NPAS2: variants seen among roughly 807,000 people sequenced by gnomAD.
The protein encoded by NPAS2 is neuronal PAS domain-containing protein 2.
Under a neutral mutation model 107.5 loss-of-function variants are expected in NPAS2, and 23 were observed. The observed-to-expected ratio is 0.21, with a 90% CI of 0.15 to 0.30. The LOEUF (loss-of-function observed/expected upper bound fraction) is 0.30, where lower values mean the gene tolerates loss of function less well. Ranked by LOEUF, NPAS2 falls within the 10% of genes least tolerant of loss-of-function variation. The pLI, the probability that NPAS2 is intolerant of heterozygous loss-of-function variation, is 1.00. For missense variants in NPAS2, 756 were observed against 1,043.3 expected, an observed-to-expected ratio of 0.72 and a Z score of 3.79; for synonymous variants, 403 against 417.5, an observed-to-expected ratio of 0.97 and a Z score of 0.42.
At chr2:100,836,263 C>T (rs531520944) in intron 1 of NPAS2, among the ~76,000 whole-genome samples, 32 of 152,138 alleles carry the variant, frequency 2.1e-4, no homozygotes, top group South Asian at 4.1e-4. Context: ...CCCTAGCGAC[C>T]TCACTTCGAT....
chr2:100,875,106 A>G (rs2104596632), intron 1 of NPAS2, among the ~76,000 whole-genome samples: 1 of 152,340 alleles, frequency 6.6e-6, no homozygotes, highest in Non-Finnish European at 1.5e-5. Flanking sequence ...CAGCCTTGAA[A>G]AGGAAGGAAA....
chr2:100,847,560 C>T (rs888704441), intron 1 of NPAS2, among the ~76,000 whole-genome samples: 6 of 152,076 alleles, frequency 3.9e-5, no homozygotes, highest in Non-Finnish European at 5.9e-5. Flanking sequence ...TTAGTAGAGA[C>T]GGGGTTTCAC....
rs937420061 is a variant in NPAS2 at position 100,915,968 on chromosome 2, G to C, written c.33-9178G>C. On this transcript the variant is annotated intron_variant, in intron 2 of 20. Transcript: ENST00000335681. ...AGCATAAAAGAGGGGAGAAGGTAGA[G>C]GGGGCTATATAGAGAAAAGTTTCTA... 3.9e-5 allele frequency among the ~76,000 whole-genome samples: 6 copies of C among 152,236 alleles called. 1 individual carries two copies. The highest frequency in any genetic ancestry group is 1.4e-4 in the African/African-American group (6 of 41,554).
intron 16 of NPAS2, chr2:100,987,602 CA>C (rs1677851502): frequency 6.4e-6 from 1 of 156,384 alleles, no homozygotes; most frequent in South Asian, 2.0e-4. Context: ...GATTCAAGGG[CA>C]AACACAGAGC....
chr2:100,843,161 G>A (rs1175490863), intron 1 of NPAS2, among the ~76,000 whole-genome samples: 4 of 151,748 alleles, frequency 2.6e-5, no homozygotes, highest in Non-Finnish European at 4.4e-5. Flanking sequence ...GGAGGTTGCA[G>A]TGAGCTGAGA....
chr2:100,947,924 G>T (rs577305900), intron 5 of NPAS2, among the ~76,000 whole-genome samples: 5 of 152,202 alleles, frequency 3.3e-5, no homozygotes, highest in East Asian at 1.9e-4. Flanking sequence ...CAGCCAAAAC[G>T]CAGGAGTGTC....
intron 1 of NPAS2, among the ~76,000 whole-genome samples, chr2:100,835,910 A>G (rs895093058): frequency 5.9e-5 from 9 of 152,210 alleles, no homozygotes; most frequent in African/African-American, 2.2e-4. Flanking sequence ...TCAATGTAAT[A>G]TAAAGGAAAT....
chr2:100,831,701 A>G (rs1185835850), intron 1 of NPAS2, among the ~76,000 whole-genome samples: 1 of 152,108 alleles, frequency 6.6e-6, no homozygotes, highest in Non-Finnish European at 1.5e-5. Context: ...ACCAATTTGC[A>G]TGGCAATTTT....
intron 5 of NPAS2, among the ~76,000 whole-genome samples, chr2:100,947,682 A>G (rs950343938): frequency 6.6e-6 from 1 of 152,228 alleles, no homozygotes; most frequent in African/African-American, 2.4e-5. Context: ...ATCATCACAG[A>G]CAGTTCTATT....
At chr2:100,871,947 A>G (rs1050010204) in intron 1 of NPAS2, among the ~76,000 whole-genome samples, 6 of 152,184 alleles carry the variant, frequency 3.9e-5, no homozygotes, top group African/African-American at 1.4e-4. Flanking sequence ...GAAGGCAGAT[A>G]TCTTGACTCC....
chr2:100,908,903 G>A (rs949903489), intron 2 of NPAS2, among the ~76,000 whole-genome samples: 2 of 152,136 alleles, frequency 1.3e-5, no homozygotes, highest in African/African-American at 4.8e-5. Context: ...AGTGGATGCT[G>A]GTTCTGAAAC....
At position 100,936,223 on chromosome 2, in the gene NPAS2, G is replaced by A. The variant is rs190422771; in HGVS notation, c.274-1530G>A. Among the ~76,000 whole-genome samples, 59 of 152,292 alleles carry A rather than the reference G, an allele frequency of 3.9e-4. 1 individual carries two copies. The East Asian group carries it at 0.011, about 29-fold the overall frequency. ...TAAAGGTGCCCTTCATGCACTGCTC[G>A]TGGCCTCTTCCGGGTTCCCGCTGCC... On this transcript the variant is annotated intron_variant, in intron 4 of 20. Coordinates refer to ENST00000335681, the MANE Select transcript of NPAS2 (RefSeq NM_002518.4).
At chr2:100,956,353 C>A (rs149025008) in intron 7 of NPAS2, among the ~76,000 whole-genome samples, 36 of 152,294 alleles carry the variant, frequency 2.4e-4, no homozygotes, top group African/African-American at 7.9e-4. Flanking sequence ...CCTTCACCCC[C>A]TCCTTCCTTC....
chr2:100,846,707 T>C (rs996271196), intron 1 of NPAS2: 3 of 152,250 alleles, frequency 2.0e-5, no homozygotes, highest in Admixed American at 6.5e-5. Context: ...AACTAAAATA[T>C]TTTGGTTGCA....
At chr2:100,886,115 T>C (rs1680683865) in intron 1 of NPAS2, among the ~76,000 whole-genome samples, 1 of 152,248 alleles carries the variant, frequency 6.6e-6, no homozygotes, top group African/African-American at 2.4e-5. Flanking sequence ...AAACCAGGTG[T>C]ATGATACTTT....
chr2:100,944,323 T>C (rs1415035835), intron 5 of NPAS2, among the ~76,000 whole-genome samples: 1 of 152,188 alleles, frequency 6.6e-6, no homozygotes, highest in East Asian at 1.9e-4. Flanking sequence ...CCATCCAGCC[T>C]ACTTCCAGCT....
chr2:100,942,944 G>T (rs1161276891), intron 5 of NPAS2, among the ~76,000 whole-genome samples: 1 of 152,196 alleles, frequency 6.6e-6, no homozygotes, highest in Admixed American at 6.5e-5. Context: ...TGCTGGGTGT[G>T]TTCCATCGTA....
chr2:100,927,215 T>G (rs1243070997), intron 3 of NPAS2, among the ~76,000 whole-genome samples: 1 of 152,134 alleles, frequency 6.6e-6, no homozygotes, highest in East Asian at 1.9e-4. Flanking sequence ...ATTGCAGGTG[T>G]GAGCCACCAC....
chr2:100,922,920 G>C (rs1027417075), intron 2 of NPAS2, among the ~76,000 whole-genome samples: 1 of 152,214 alleles, frequency 6.6e-6, no homozygotes, highest in African/African-American at 2.4e-5. Flanking sequence ...GCAGTAATGA[G>C]CTGGGTGTTA....
Sources: gnomAD v4.1 joint callset for allele counts (sites outside exome capture counted in the v4.1 genomes callset) on GRCh38, gnomAD v4.1.1 for gene constraint, MANE v1.5 for transcripts, NCBI Gene and HGNC (gene_info 2026-07-23, HGNC 2026-07-21) for gene names.